The following PGR variants were observed in gnomAD, a reference collection of about 807,000 sequenced individuals.
PGR encodes the protein progesterone receptor.
A neutral mutation model predicts 76.1 loss-of-function variants in PGR; 25 were observed. That is an observed-to-expected ratio of 0.33 (90% confidence interval 0.24 to 0.46). The LOEUF is 0.46. PGR is among the 20% of genes least tolerant of loss of function. The pLI, the probability that PGR is intolerant of heterozygous loss-of-function variation, is 1.00. For missense variants in PGR, 1,172 were observed against 1,225.3 expected, an observed-to-expected ratio of 0.96 and a Z score of 0.65; for synonymous variants, 579 against 535.0, an observed-to-expected ratio of 1.08 and a Z score of -1.14.
intron 2 of PGR, among the ~76,000 whole-genome samples, chr11:101,114,727 A>G (rs1862449692): frequency 1.3e-5 from 2 of 151,966 alleles, no homozygotes; most frequent in East Asian, 1.9e-4. Flanking sequence ...ACCCTTCTCA[A>G]TTGGTTCCAA....
intron 3 of PGR, among the ~76,000 whole-genome samples, chr11:101,068,724 A>G (rs1463755933): frequency 6.6e-6 from 1 of 151,414 alleles, no homozygotes; most frequent in African/African-American, 2.4e-5. Context: ...CAAATCTACA[A>G]CCATCTGATC....
chr11:101,063,451 G>C (rs897528143), intron 3 of PGR: 1 of 152,202 alleles, frequency 6.6e-6, no homozygotes, highest in African/African-American at 2.4e-5. Context: ...GATGAATTCT[G>C]ATATGTTAGG....
At position 101,030,765 on chromosome 11, in the gene PGR, T is replaced by A. The variant is rs1001242163; in HGVS notation, c.*8351A>T. On this transcript the variant is annotated 3_prime_UTR_variant, in exon 8 of 8. Transcript: ENST00000325455. The stretch of plus-strand genomic sequence containing the variant: ...AAACATGGTCTAAATCTCAAAGGTA[T>A]CCTTAAAAGGTGGACTTAAGCATCA... The A allele has an allele frequency of 4.9e-6, 1 of 203,764 alleles. No individual in the cohort carries two copies. The highest frequency in any genetic ancestry group is 1.0e-5 in the Non-Finnish European group (1 of 99,380). The allele number at this position is 203,764 out of a possible 1,614,324, so 12.6% of individuals were successfully genotyped here.
intron 1 of PGR, chr11:101,126,893 GA>G (rs1211349574): frequency 2.6e-5 from 4 of 152,650 alleles, no homozygotes; most frequent in African/African-American, 9.7e-5. Context: ...TAAGAAAACT[GA>G]GCCACTGAAG....
At chr11:101,059,842 C>CAAAAA (rs781123527) in intron 4 of PGR, among the ~76,000 whole-genome samples, 4 of 62,782 alleles carry the variant, frequency 6.4e-5, no homozygotes, top group East Asian at 4.1e-4. Context: ...GACCCTCTCT[C>CAAAAA]AAAAAAAAAA....
At chr11:101,051,113 G>C (rs1011554576) in intron 5 of PGR, among the ~76,000 whole-genome samples, 1 of 151,872 alleles carries the variant, frequency 6.6e-6, no homozygotes, top group Non-Finnish European at 1.5e-5. Flanking sequence ...ATGTAAGTCA[G>C]TAACAAAAAT....
intron 3 of PGR, among the ~76,000 whole-genome samples, chr11:101,086,244 C>T (rs543567204): frequency 8.5e-5 from 13 of 152,246 alleles, no homozygotes; most frequent in East Asian, 3.9e-4. Flanking sequence ...TAATTTACCA[C>T]GATCAAGTTG....
In PGR at chr11:101,129,706, G is replaced by A. The variant is rs1277147613; in HGVS notation, c.-636C>T. On this transcript the variant is annotated 5_prime_UTR_variant, in exon 1 of 8. Coordinates refer to ENST00000325455, the MANE Select transcript of PGR (RefSeq NM_000926.4). ...GTAGTGCGGGAGCACTAGCCGCCTC[G>A]GGTTGTAGATTTCACTCAAATGACA... is the stretch of plus-strand genomic sequence containing the variant. 1 of 180,788 alleles carries A rather than the reference G, an allele frequency of 5.5e-6. No individual in the cohort carries two copies. The highest frequency in any genetic ancestry group is 9.1e-5 in the East Asian group (1 of 11,008). The allele number at this position is 180,788 out of a possible 1,614,324, so 11.2% of individuals were successfully genotyped here.
rs771786441 is a variant in PGR, at chr11:101,034,172, G to A, written c.*4944C>T. 1 of 226,168 alleles carries A rather than the reference G, an allele frequency of 4.4e-6. No individual in the cohort carries two copies. Among genetic ancestry groups the A allele is most frequent in the Non-Finnish European group, 8.8e-6 (1 of 113,656 alleles). The allele number at this position is 226,168 out of a possible 1,614,324, so 14.0% of individuals were successfully genotyped here. A position where few individuals can be genotyped will look rare whatever the true frequency, so the allele number is the denominator to read the frequency against. The stretch of plus-strand genomic sequence containing the variant: ...AATAATGCCTCTCCCATGTCTCCAT[G>A]AGTGGAAAAAAAGCAAACAAACCTG... On this transcript the variant is annotated 3_prime_UTR_variant, in exon 8 of 8. Transcript: ENST00000325455.
Position 101,062,763 on chromosome 11 carries a change from GA to G in PGR, c.1907-12del, listed in dbSNP as rs771435948. On this transcript the variant is annotated splice_polypyrimidine_tract_variant and intron_variant, in intron 3 of 7. Coordinates refer to ENST00000325455, the MANE Select transcript of PGR (RefSeq NM_000926.4). Reference sequence around the variant, plus strand: ...TTTTAAATTTTCGACCTACAGAGAAGAAAAAAAAGAAATTCATGTAAATATA... The same window carrying G: ...TTTTAAATTTTCGACCTACAGAGAAGAAAAAAAGAAATTCATGTAAATATA... 10 of 1,580,150 alleles carry G rather than the reference GA, an allele frequency of 6.3e-6. No individual in the cohort carries two copies. Among genetic ancestry groups the G allele is most frequent in the Non-Finnish European group, 6.9e-6 (8 of 1,159,060 alleles).
At chr11:101,107,073 G>C (rs374313785) in intron 2 of PGR, among the ~76,000 whole-genome samples, 2 of 152,220 alleles carry the variant, frequency 1.3e-5, no homozygotes, top group East Asian at 3.9e-4. Context: ...GGGATGGGGG[G>C]CTAGGGGAGA....
In PGR at chr11:101,129,542, C is replaced by A. The variant is rs530478692; in HGVS notation, c.-472G>T. 3.6e-5 allele frequency: 7 copies of A among 194,846 alleles called. No homozygotes were observed. The highest frequency in any genetic ancestry group is 6.4e-5 in the Non-Finnish European group (6 of 93,796). 12.1% of individuals were successfully genotyped at this position (194,846 alleles called of 1,614,324 possible). A position where few individuals can be genotyped will look rare whatever the true frequency, so the allele number is the denominator to read the frequency against. ...CGTGCATGCTGTGAAGCTCTCAGTCCCTCGCTGAGTTCCACTGCCCCCTCA... is the reference window on the plus strand; with the variant it reads ...CGTGCATGCTGTGAAGCTCTCAGTCACTCGCTGAGTTCCACTGCCCCCTCA... On this transcript the variant is annotated 5_prime_UTR_variant, in exon 1 of 8. Transcript: ENST00000325455.
At chr11:101,112,020 G>T (rs529371869) in intron 2 of PGR, among the ~76,000 whole-genome samples, 41 of 152,176 alleles carry the variant, frequency 2.7e-4, no homozygotes, top group Non-Finnish European at 5.7e-4. Context: ...AGCGAATAAA[G>T]TATTTGCAGG....
Position 101,032,579 on chromosome 11 carries a change from A to C in PGR, c.*6537T>G. On this transcript the variant is annotated 3_prime_UTR_variant, in exon 8 of 8. Transcript: ENST00000325455. ...CTTTGGAATCCCTCCTGTTTGGAAT[A>C]CTCTTCTCTTCTTGCCTTTGGCATC... 1 of 230,234 alleles carries C rather than the reference A, an allele frequency of 4.3e-6. No individual in the cohort carries two copies. The highest frequency in any genetic ancestry group is 1.8e-4 in the South Asian group (1 of 5,474). The allele number at this position is 230,234 out of a possible 1,614,324, so 14.3% of individuals were successfully genotyped here. A position where few individuals can be genotyped will look rare whatever the true frequency, so the allele number is the denominator to read the frequency against.
chr11:101,091,915 T>C (rs1471705562), intron 2 of PGR, 39 bp from the exon 3 acceptor site: 2 of 1,001,898 alleles, frequency 2.0e-6, no homozygotes, highest in Non-Finnish European at 3.2e-6. Flanking sequence ...TTACAATATC[T>C]AAGATTCACT....
intron 3 of PGR, among the ~76,000 whole-genome samples, chr11:101,091,469 C>A (rs508653): frequency 0.17 from 25,284 of 152,144 alleles, 2,450 homozygotes; most frequent in African/African-American, 0.27. Flanking sequence ...CCTAGACTCC[C>A]ACACATGTTA....
chr11:101,087,420 CAA>C, intron 3 of PGR, among the ~76,000 whole-genome samples: 1 of 152,130 alleles, frequency 6.6e-6, no homozygotes, highest in Non-Finnish European at 1.5e-5. Context: ...TCACCATATA[CAA>C]AAATTACCTC....
intron 3 of PGR, among the ~76,000 whole-genome samples, chr11:101,064,426 C>T (rs1476728060): frequency 7.0e-6 from 1 of 143,248 alleles, no homozygotes; most frequent in Non-Finnish European, 1.5e-5. Flanking sequence ...AAAACAATTG[C>T]CATGGTTAAA....
rs149818933 is a variant in PGR, at chr11:101,115,365, A to G, written c.1789+10642T>C. 7.9e-3 allele frequency among the ~76,000 whole-genome samples: 1,206 copies of G among 152,260 alleles called. 19 individuals are homozygous for G. The highest frequency in any genetic ancestry group is 0.028 in the African/African-American group (1,150 of 41,542). ...TATATATTACCTATATTATACTTGA[A>G]TATGGGATAAACTCCATGATTGAAC... is the stretch of plus-strand genomic sequence containing the variant. On this transcript the variant is annotated intron_variant, in intron 2 of 7. Transcript: ENST00000325455.
Sources: gnomAD v4.1 joint callset for allele counts (sites outside exome capture counted in the v4.1 genomes callset) on GRCh38, gnomAD v4.1.1 for gene constraint, MANE v1.5 for transcripts, NCBI Gene and HGNC (gene_info 2026-07-23, HGNC 2026-07-21) for gene names.